The following MPPED2 variants were observed in gnomAD, a reference collection of about 807,000 sequenced individuals.
MPPED2 encodes metallophosphoesterase MPPED2.
A neutral mutation model predicts 33.0 loss-of-function variants in MPPED2; 5 were observed. The observed-to-expected ratio is 0.15, with a 90% CI of 0.08 to 0.32. The LOEUF (loss-of-function observed/expected upper bound fraction) is 0.32. MPPED2 is among the 10% of genes least tolerant of loss of function. The probability of loss-of-function intolerance (pLI) is 1.00; values close to 1 mark genes in which losing one functional copy is unlikely to be tolerated. For synonymous variants in MPPED2, 136 were observed against 141.9 expected (o/e 0.96, Z 0.29); for missense variants, 275 against 372.1 (o/e 0.74, Z 2.15).
chr11:30,552,865 A>G (rs1237599486), intron 2 of MPPED2, among the ~76,000 whole-genome samples: 4 of 152,166 alleles, frequency 2.6e-5, no homozygotes, highest in Non-Finnish European at 5.9e-5. Context: ...AACTAGGTAC[A>G]TCACTTTTCA....
At chr11:30,402,025 A>G (rs1047339269) in intron 6 of MPPED2, among the ~76,000 whole-genome samples, 1 of 152,128 alleles carries the variant, frequency 6.6e-6, no homozygotes, top group African/African-American at 2.4e-5. Context: ...GGGCTAACGT[A>G]TACCTCCTTT....
intron 4 of MPPED2, among the ~76,000 whole-genome samples, chr11:30,420,979 G>A (rs959005328): frequency 6.6e-6 from 1 of 152,156 alleles, no homozygotes; most frequent in Non-Finnish European, 1.5e-5. Flanking sequence ...AAGAGAGACA[G>A]AGAAAAACAA....
At chr11:30,436,586 C>T (rs1949337595) in intron 4 of MPPED2, among the ~76,000 whole-genome samples, 1 of 152,174 alleles carries the variant, frequency 6.6e-6, no homozygotes, top group African/African-American at 2.4e-5. Context: ...GCACAAGGTC[C>T]ATGATGAAAA....
At chr11:30,558,166 T>C (rs1565182678) in intron 2 of MPPED2, among the ~76,000 whole-genome samples, 2 of 152,076 alleles carry the variant, frequency 1.3e-5, no homozygotes. Flanking sequence ...TTTGTATGTA[T>C]TTTATTATTA....
chr11:30,479,079 A>T (rs995481584), intron 4 of MPPED2, among the ~76,000 whole-genome samples: 1 of 152,116 alleles, frequency 6.6e-6, no homozygotes, highest in Non-Finnish European at 1.5e-5. Context: ...GAGGGCCTGG[A>T]CAAGAAGCCT....
chr11:30,572,630 A>AT (rs901155168), intron 2 of MPPED2, among the ~76,000 whole-genome samples: 2 of 152,248 alleles, frequency 1.3e-5, no homozygotes, highest in African/African-American at 2.4e-5. Context: ...TATGTTTAGA[A>AT]TTTTTTTAAA....
intron 1 of MPPED2, among the ~76,000 whole-genome samples, chr11:30,581,242 G>T (rs3758905): frequency 6.6e-6 from 1 of 151,960 alleles, no homozygotes; most frequent in Non-Finnish European, 1.5e-5. Flanking sequence ...CCGATGGAGC[G>T]GTAAAGAAGG....
intron 4 of MPPED2, among the ~76,000 whole-genome samples, chr11:30,467,905 G>A (rs946213962): frequency 1.4e-4 from 22 of 152,120 alleles, no homozygotes; most frequent in Non-Finnish European, 2.4e-4. Flanking sequence ...TTAGCTCCAA[G>A]ATGTGCTTAC....
intron 3 of MPPED2, among the ~76,000 whole-genome samples, chr11:30,528,264 C>CT (rs1049005606): frequency 9.3e-4 from 141 of 151,454 alleles, no homozygotes; most frequent in African/African-American, 2.7e-3. Context: ...TATTTACTTT[C>CT]TTTTTTTTTC....
intron 6 of MPPED2, among the ~76,000 whole-genome samples, chr11:30,392,036 G>C (rs1947784493): frequency 6.6e-6 from 1 of 152,210 alleles, no homozygotes; most frequent in Non-Finnish European, 1.5e-5. Context: ...AGAAGTAGTT[G>C]TGAGAATTAA....
chr11:30,552,365 A>C (rs1955758291), intron 2 of MPPED2, among the ~76,000 whole-genome samples: 2 of 152,228 alleles, frequency 1.3e-5, no homozygotes, highest in Non-Finnish European at 2.9e-5. Context: ...CTAGTTATGT[A>C]ATATATGCTT....
Position 30,518,591 on chromosome 11 carries a change from G to C in MPPED2, c.310+17403C>G, listed in dbSNP as rs1390559769. Among the ~76,000 whole-genome samples the C allele has an allele frequency of 2.0e-5, 3 of 152,144 alleles. No individual in the cohort carries two copies. The East Asian group carries it at 5.8e-4, about 29-fold the overall frequency. On this transcript the variant is annotated intron_variant, in intron 3 of 6. Transcript: ENST00000358117. ...AAGGGAAGGCTTCAGTTCTACCTCA[G>C]GACACTGACCAAAGCATGCACATCT...
At chr11:30,522,479 G>A (rs1375373890) in intron 3 of MPPED2, among the ~76,000 whole-genome samples, 1 of 152,050 alleles carries the variant, frequency 6.6e-6, no homozygotes, top group African/African-American at 2.4e-5. Context: ...GGGGAAATCT[G>A]TGTGACGGGT....
chr11:30,532,835 G>A (rs1204121161), intron 3 of MPPED2, among the ~76,000 whole-genome samples: 1 of 152,174 alleles, frequency 6.6e-6, no homozygotes, highest in African/African-American at 2.4e-5. Flanking sequence ...GACTTTGCCT[G>A]TTACTCCTAC....
At chr11:30,548,877 G>A (rs1234630789) in intron 2 of MPPED2, among the ~76,000 whole-genome samples, 1 of 152,150 alleles carries the variant, frequency 6.6e-6, no homozygotes, top group East Asian at 1.9e-4. Flanking sequence ...GTTAAAGCTT[G>A]TGCCTCTCTA....
intron 3 of MPPED2, among the ~76,000 whole-genome samples, chr11:30,527,924 T>C (rs944069661): frequency 2.6e-5 from 4 of 152,236 alleles, no homozygotes; most frequent in African/African-American, 9.6e-5. Flanking sequence ...TCCTGACCAT[T>C]CACTACTTGT....
intron 3 of MPPED2, among the ~76,000 whole-genome samples, chr11:30,516,055 T>C (rs1953516140): frequency 1.3e-5 from 2 of 152,068 alleles, no homozygotes; most frequent in South Asian, 2.1e-4. Flanking sequence ...CCCTACCCCA[T>C]AGCATGAGAG....
Position 30,411,458 on chromosome 11 carries a change from A to T in MPPED2, c.*10T>A, listed in dbSNP as rs1948097828. On this transcript the variant is annotated 3_prime_UTR_variant, in exon 7 of 7. Transcript: ENST00000358117. ...ACCTTCCCTCACATTCCAATAGGGC[A>T]TTTAGAGCTTCAGGAACCCTGTGGG... The T allele has an allele frequency of 6.2e-7, 1 of 1,612,112 alleles. No individual in the cohort carries two copies.
At chr11:30,567,018 CTGT>C (rs1225279369) in intron 2 of MPPED2, among the ~76,000 whole-genome samples, 1 of 152,266 alleles carries the variant, frequency 6.6e-6, no homozygotes, top group African/African-American at 2.4e-5. Context: ...ACGGATCAGC[CTGT>C]TGTTCTCTGG....
Sources: allele counts gnomAD v4.1 joint callset (sites outside exome capture counted in the v4.1 genomes callset), GRCh38; gene constraint gnomAD v4.1.1; transcripts MANE v1.5; gene names NCBI Gene and HGNC (gene_info 2026-07-23, HGNC 2026-07-21).